FTO: variants seen among roughly 807,000 people sequenced by gnomAD.
The protein encoded by FTO is alpha-ketoglutarate-dependent dioxygenase FTO.
Under a neutral mutation model 63.9 loss-of-function variants are expected in FTO, and 47 were observed. The ratio of observed to expected loss-of-function variants is 0.74; its 90% confidence interval spans 0.58 to 0.94. The LOEUF (loss-of-function observed/expected upper bound fraction) is 0.94. Ranked by LOEUF, FTO falls within the 40% of genes least tolerant of loss-of-function variation. FTO has a pLI of 0.00. For synonymous variants in FTO, 207 were observed against 224.4 expected, an observed-to-expected ratio of 0.92 and a Z score of 0.69; for missense variants, 562 against 618.1, an observed-to-expected ratio of 0.91 and a Z score of 0.96.
chr16:53,899,949 C>A (rs1439491910), intron 7 of FTO, among the ~76,000 whole-genome samples: 1 of 152,176 alleles, frequency 6.6e-6, no homozygotes, highest in Admixed American at 6.5e-5. Flanking sequence ...AAGATTGAAG[C>A]CTTATAAAAG....
At chr16:53,954,260 A>G (rs1198043979) in intron 8 of FTO, among the ~76,000 whole-genome samples, 2 of 152,194 alleles carry the variant, frequency 1.3e-5, no homozygotes, top group Non-Finnish European at 2.9e-5. Context: ...CTGTTCTCTG[A>G]TTTCCCTGTG....
chr16:54,020,983 A>G (rs1188264289), intron 8 of FTO, among the ~76,000 whole-genome samples: 1 of 152,166 alleles, frequency 6.6e-6, no homozygotes, highest in African/African-American at 2.4e-5. Context: ...AAAAAGAAAA[A>G]AAAAGAATTT....
chr16:54,040,909 T>C (rs1186267555), intron 8 of FTO, among the ~76,000 whole-genome samples: 4 of 152,212 alleles, frequency 2.6e-5, no homozygotes, highest in Non-Finnish European at 5.9e-5. Flanking sequence ...GTGTTTTATA[T>C]GGGACCGAAG....
intron 3 of FTO, 21 bp downstream of exon 3, chr16:53,826,512 A>G: frequency 6.2e-7 from 1 of 1,612,954 alleles, no homozygotes; most frequent in Non-Finnish European, 8.5e-7. Context: ...CTCTTGGAAA[A>G]AGCAGCCCTG....
At chr16:53,858,006 G>A (rs1381434263) in intron 4 of FTO, among the ~76,000 whole-genome samples, 1 of 151,496 alleles carries the variant, frequency 6.6e-6, no homozygotes, top group African/African-American at 2.4e-5. Flanking sequence ...AGGGAAAAAA[G>A]ATGCAAAATG....
At chr16:54,063,029 G>A (rs1016787992) in intron 8 of FTO, among the ~76,000 whole-genome samples, 2 of 152,218 alleles carry the variant, frequency 1.3e-5, no homozygotes, top group Admixed American at 6.5e-5. Context: ...CCTTGTTTCC[G>A]AGAGGGTGTG....
At chr16:53,839,228 T>C (rs1000381399) in intron 3 of FTO, among the ~76,000 whole-genome samples, 4 of 152,166 alleles carry the variant, frequency 2.6e-5, no homozygotes, top group Admixed American at 6.5e-5. Flanking sequence ...GTTTGGTTAG[T>C]GGGAGCTGGG....
At chr16:53,716,052 A>G (rs988435645) in intron 1 of FTO, among the ~76,000 whole-genome samples, 1 of 152,196 alleles carries the variant, frequency 6.6e-6, no homozygotes, top group African/African-American at 2.4e-5. Flanking sequence ...TCTACTGTGA[A>G]TGTGTACTTC....
chr16:54,069,282 G>A lies in FTO; in HGVS notation c.1365-42480G>A, dbSNP rs111852259. ...AGCTGGGGCCGTCTGCACCACCTGG[G>A]CCTAAAAAGTTCCATGTTTGGCCCC... On this transcript the variant is annotated intron_variant, in intron 8 of 8. Transcript: ENST00000471389. Among the ~76,000 whole-genome samples the A allele has an allele frequency of 1.0e-2, 1,518 of 152,198 alleles. 10 individuals are homozygous for A. Among genetic ancestry groups the A allele is most frequent in the Non-Finnish European group, 0.015 (1,027 of 67,992 alleles).
At chr16:53,978,459 C>G (rs1194734067) in intron 8 of FTO, among the ~76,000 whole-genome samples, 3 of 152,138 alleles carry the variant, frequency 2.0e-5, no homozygotes, top group African/African-American at 7.2e-5. Context: ...TACATATGCT[C>G]CTTCATTATT....
chr16:53,806,117 A>G (rs1052010390), intron 1 of FTO, among the ~76,000 whole-genome samples: 3 of 152,210 alleles, frequency 2.0e-5, no homozygotes, highest in Admixed American at 2.0e-4. Context: ...TTTGACACAA[A>G]GAAAATTGTC....
Position 54,112,168 on chromosome 16 carries a change from C to T in FTO, c.*253C>T, listed in dbSNP as rs558383916. On this transcript the variant is annotated 3_prime_UTR_variant, in exon 9 of 9. Coordinates refer to ENST00000471389, the MANE Select transcript of FTO (RefSeq NM_001080432.3). ...ATTGTTCAGATTATAAAATGTGAGC[C>T]ATTCAGCCCCCAAGGTCCAGGGCAG... 3 of 492,810 alleles carry T rather than the reference C, an allele frequency of 6.1e-6. No homozygotes were observed. Among genetic ancestry groups the T allele is most frequent in the African/African-American group, 5.8e-5 (3 of 51,500 alleles). The allele number at this position is 492,810 out of a possible 1,614,324, so 30.5% of individuals were successfully genotyped here.
At chr16:53,932,187 C>T (rs531068707) in intron 7 of FTO, among the ~76,000 whole-genome samples, 4 of 152,258 alleles carry the variant, frequency 2.6e-5, no homozygotes, top group Admixed American at 2.6e-4. Flanking sequence ...AATGTTGTTG[C>T]CACAGAAGCT....
intron 7 of FTO, among the ~76,000 whole-genome samples, chr16:53,933,746 C>T (rs915436793): frequency 6.6e-6 from 1 of 152,106 alleles, no homozygotes; most frequent in Non-Finnish European, 1.5e-5. Context: ...TAAGAATGCG[C>T]AGTATCTTGA....
chr16:53,877,500 C>T (rs2080691262), intron 5 of FTO, among the ~76,000 whole-genome samples: 1 of 152,052 alleles, frequency 6.6e-6, no homozygotes. Flanking sequence ...TCTCTATGGA[C>T]ATAGAAAGTA....
intron 8 of FTO, among the ~76,000 whole-genome samples, chr16:53,945,557 A>G (rs2082634311): frequency 6.6e-6 from 1 of 152,204 alleles, no homozygotes; most frequent in Non-Finnish European, 1.5e-5. Flanking sequence ...GTATCTTTAC[A>G]TATTTATTTC....
At chr16:54,025,308 C>G (rs1365448917) in intron 8 of FTO, among the ~76,000 whole-genome samples, 1 of 152,164 alleles carries the variant, frequency 6.6e-6, no homozygotes, top group Non-Finnish European at 1.5e-5. Flanking sequence ...TCTTAAAGAC[C>G]TTATTACTAC....
At chr16:53,914,772 T>G (rs2081818210) in intron 7 of FTO, among the ~76,000 whole-genome samples, 2 of 152,194 alleles carry the variant, frequency 1.3e-5, no homozygotes, top group Non-Finnish European at 2.9e-5. Flanking sequence ...AGCTGAAACT[T>G]GAACAGCTGT....
chr16:53,765,319 G>A (rs1158060392), intron 1 of FTO, among the ~76,000 whole-genome samples: 1 of 151,816 alleles, frequency 6.6e-6, no homozygotes, highest in Non-Finnish European at 1.5e-5. Flanking sequence ...CACTTTGGAA[G>A]GCCAAGGCAG....
Sources: gnomAD v4.1 joint callset for allele counts (sites outside exome capture counted in the v4.1 genomes callset) on GRCh38, gnomAD v4.1.1 for gene constraint, MANE v1.5 for transcripts, NCBI Gene and HGNC (gene_info 2026-07-23, HGNC 2026-07-21) for gene names.